The following NUAK1 variants were observed in gnomAD, a reference collection of about 807,000 sequenced individuals.
NUAK1 encodes the protein NUAK family kinase 1.
Under a neutral mutation model 56.9 loss-of-function variants are expected in NUAK1, and 26 were observed. That is an observed-to-expected ratio of 0.46 (90% CI 0.33 to 0.63). The LOEUF is 0.63. Ranked by LOEUF, NUAK1 falls within the 30% of genes least tolerant of loss-of-function variation. The pLI is 0.02. For synonymous variants in NUAK1, 337 were observed against 336.0 expected (o/e 1.00, Z -0.03); for missense variants, 727 against 876.1 (o/e 0.83, Z 2.15).
chr12:106,074,001 GTATA>G (rs1235569586), intron 4 of NUAK1, among the ~76,000 whole-genome samples: 1 of 150,758 alleles, frequency 6.6e-6, no homozygotes, highest in East Asian at 2.1e-4. Flanking sequence ...ACATATATAT[GTATA>G]TGTATATGTA....
In NUAK1 at chr12:106,063,491, C is replaced by T. The variant is rs1340543151; in HGVS notation, c.*3311G>A. On this transcript the variant is annotated 3_prime_UTR_variant, in exon 7 of 7. Transcript: ENST00000261402. Reference sequence around the variant, plus strand: ...CCTGTAGGCTGTTCTGGGCTCAAACCAATCAAATGAGTGAAAACCAATTTT... The same window carrying T: ...CCTGTAGGCTGTTCTGGGCTCAAACTAATCAAATGAGTGAAAACCAATTTT... 1.3e-5 allele frequency: 2 copies of T among 152,484 alleles called. No homozygotes were observed. The highest frequency in any genetic ancestry group is 2.4e-5 in the African/African-American group (1 of 41,406). The allele number at this position is 152,484 out of a possible 1,614,324, so 9.4% of individuals were successfully genotyped here.
chr12:106,097,456 G>A (rs186804414), intron 2 of NUAK1, among the ~76,000 whole-genome samples: 1 of 152,352 alleles, frequency 6.6e-6, no homozygotes, highest in Non-Finnish European at 1.5e-5. Context: ...ATGAATGAAT[G>A]AGAATAGTGG....
chr12:106,136,580 T>A (rs1477991070), intron 1 of NUAK1, among the ~76,000 whole-genome samples: 1 of 152,122 alleles, frequency 6.6e-6, no homozygotes, highest in Non-Finnish European at 1.5e-5. Flanking sequence ...GTTCGTTCGT[T>A]AGAAAGGTCT....
At chr12:106,094,010 T>C (rs1592853583) in intron 2 of NUAK1, among the ~76,000 whole-genome samples, 1 of 151,520 alleles carries the variant, frequency 6.6e-6, no homozygotes. Context: ...GGTTTCGCCA[T>C]GTTGCCCAGG....
At chr12:106,087,426 A>G (rs1203646916) in intron 2 of NUAK1, among the ~76,000 whole-genome samples, 1 of 152,132 alleles carries the variant, frequency 6.6e-6, no homozygotes, top group South Asian at 2.1e-4. Flanking sequence ...CTACACACCC[A>G]TTCCATGTAT....
chr12:106,131,115 G>A (rs1374792989), intron 1 of NUAK1, among the ~76,000 whole-genome samples: 1 of 152,088 alleles, frequency 6.6e-6, no homozygotes, highest in Non-Finnish European at 1.5e-5. Context: ...AATCTTAGAG[G>A]CCTGAGAGAT....
chr12:106,074,496 G>C (rs2032441188), intron 4 of NUAK1, among the ~76,000 whole-genome samples: 1 of 152,108 alleles, frequency 6.6e-6, no homozygotes. Context: ...CTCATTTAAG[G>C]AGATGAGTAA....
intron 1 of NUAK1, among the ~76,000 whole-genome samples, chr12:106,114,499 A>C (rs77818966): frequency 0.041 from 6,226 of 152,312 alleles, 353 homozygotes; most frequent in East Asian, 0.29. Flanking sequence ...AATAGTACCT[A>C]CGGCAGAAGC....
At chr12:106,120,530 G>T (rs1397995294) in intron 1 of NUAK1, among the ~76,000 whole-genome samples, 1 of 146,868 alleles carries the variant, frequency 6.8e-6, no homozygotes, top group Non-Finnish European at 1.5e-5. Flanking sequence ...AAAGTGAGAA[G>T]GGGGCTGGGA....
intron 1 of NUAK1, among the ~76,000 whole-genome samples, chr12:106,131,167 C>G (rs530387404): frequency 1.3e-5 from 2 of 152,158 alleles, no homozygotes; most frequent in African/African-American, 4.8e-5. Flanking sequence ...CTGAGCCCCC[C>G]CCTTTTTAAG....
chr12:106,112,689 CTT>C (rs2032874225), intron 1 of NUAK1, among the ~76,000 whole-genome samples: 1 of 152,208 alleles, frequency 6.6e-6, no homozygotes, highest in African/African-American at 2.4e-5. Context: ...TTCCCTTCCT[CTT>C]TAGCCTGTTG....
intron 1 of NUAK1, among the ~76,000 whole-genome samples, chr12:106,132,942 TGTGACCTTGAGCAAGC>T (rs1192087522): frequency 6.6e-6 from 1 of 152,198 alleles, no homozygotes; most frequent in Non-Finnish European, 1.5e-5. Context: ...TGCTGCTGCC[TGTGACCTTGAGCAAGC>T]TAGTTAACCT....
intron 6 of NUAK1, among the ~76,000 whole-genome samples, chr12:106,069,792 T>C (rs2032384459): frequency 6.6e-6 from 1 of 152,168 alleles, no homozygotes; most frequent in Admixed American, 6.5e-5. Context: ...TATACAGATA[T>C]ACATATATAT....
intron 1 of NUAK1, among the ~76,000 whole-genome samples, chr12:106,126,883 C>G (rs1334215979): frequency 3.9e-5 from 6 of 152,178 alleles, no homozygotes; most frequent in Non-Finnish European, 8.8e-5. Flanking sequence ...CAGCCAGGAG[C>G]CTCTGGCCTC....
chr12:106,087,826 A>G (rs1054088247), intron 2 of NUAK1, among the ~76,000 whole-genome samples: 1 of 152,186 alleles, frequency 6.6e-6, no homozygotes, highest in African/African-American at 2.4e-5. Context: ...GTGCAGAACT[A>G]CCAGATGAGA....
intron 1 of NUAK1, 21 bp from the exon 2 acceptor site, chr12:106,106,546 A>G (rs2032803539): frequency 6.2e-7 from 1 of 1,607,930 alleles, no homozygotes; most frequent in Admixed American, 1.7e-5. Context: ...AGGAAATGAA[A>G]TGTTATTCAG....
Position 106,138,288 on chromosome 12 carries a change from G to T in NUAK1, c.240+126C>A. On this transcript the variant is annotated intron_variant, in intron 1 of 6. Coordinates refer to ENST00000261402, the MANE Select transcript of NUAK1 (RefSeq NM_014840.3). This position sits in a 1 kb window ranked among gnomAD's most constrained non-coding sequence, Gnocchi z 5.0. Reference sequence around the variant, plus strand: ...GAAAGAGTGAGGAGTCTGTCTCGGGGCTTCCCAATGAGCCCCCTCTCTGTC... The same window carrying T: ...GAAAGAGTGAGGAGTCTGTCTCGGGTCTTCCCAATGAGCCCCCTCTCTGTC... 7.7e-7 allele frequency: 1 copy of T among 1,303,000 alleles called. No homozygotes were observed. Among genetic ancestry groups the T allele is most frequent in the Non-Finnish European group, 1.0e-6 (1 of 978,058 alleles). 80.7% of individuals were successfully genotyped at this position (1,303,000 alleles called of 1,614,324 possible). A position where few individuals can be genotyped will look rare whatever the true frequency, so the allele number is the denominator to read the frequency against.
At chr12:106,085,913 C>A (rs1278106777) in intron 3 of NUAK1, among the ~76,000 whole-genome samples, 1 of 152,070 alleles carries the variant, frequency 6.6e-6, no homozygotes, top group African/African-American at 2.4e-5. Context: ...TGCTATGTTG[C>A]CCTGGCTGGT....
chr12:106,120,166 A>G (rs1456960134), intron 1 of NUAK1, among the ~76,000 whole-genome samples: 1 of 152,214 alleles, frequency 6.6e-6, no homozygotes, highest in East Asian at 1.9e-4. Context: ...ACCCACCCTC[A>G]TCTCAGCCAA....
Sources: gnomAD v4.1 joint callset for allele counts (sites outside exome capture counted in the v4.1 genomes callset) on GRCh38, gnomAD v4.1.1 for gene constraint, Gnocchi (gnomAD v3.1) non-coding constraint, MANE v1.5 for transcripts, NCBI Gene and HGNC (gene_info 2026-07-23, HGNC 2026-07-21) for gene names.